EZR: variants seen among roughly 807,000 people sequenced by gnomAD.
EZR encodes the protein ezrin.
EZR carries 40 observed loss-of-function variants against 74.8 expected under a neutral mutation model. The ratio of observed to expected loss-of-function variants is 0.53; its 90% CI spans 0.42 to 0.70. The LOEUF (loss-of-function observed/expected upper bound fraction) is 0.70. Ranked by LOEUF, EZR falls within the 30% of genes least tolerant of loss-of-function variation. The pLI, the probability that EZR is intolerant of heterozygous loss-of-function variation, is 0.00. For synonymous variants in EZR, 341 were observed against 283.3 expected, an observed-to-expected ratio of 1.20 and a Z score of -2.05; for missense variants, 678 against 755.8, an observed-to-expected ratio of 0.90 and a Z score of 1.21.
At chr6:158,793,901 A>C (rs1791806864) in intron 2 of EZR, among the ~76,000 whole-genome samples, 1 of 152,236 alleles carries the variant, frequency 6.6e-6, no homozygotes, top group South Asian at 2.1e-4. Context: ...TTTCACCAAA[A>C]TTTAAAATGA....
At chr6:158,817,617 C>G (rs1273581503) in intron 2 of EZR, among the ~76,000 whole-genome samples, 1 of 152,218 alleles carries the variant, frequency 6.6e-6, no homozygotes, top group Non-Finnish European at 1.5e-5. Context: ...GAAAGCCAGT[C>G]TCCTCTCCCA....
intron 2 of EZR, among the ~76,000 whole-genome samples, chr6:158,816,134 G>C (rs1777548261): frequency 6.6e-6 from 1 of 152,202 alleles, no homozygotes; most frequent in Non-Finnish European, 1.5e-5. Context: ...CGAATTCATA[G>C]AGACAGAAAG....
chr6:158,778,254 C>A (rs3123107), intron 7 of EZR, among the ~76,000 whole-genome samples: 3 of 151,994 alleles, frequency 2.0e-5, no homozygotes, highest in South Asian at 2.1e-4. Context: ...CTGGGATCCC[C>A]TCTCCGGCTC....
intron 8 of EZR, among the ~76,000 whole-genome samples, chr6:158,774,321 C>T (rs1394534635): frequency 6.6e-6 from 1 of 152,158 alleles, no homozygotes; most frequent in Non-Finnish European, 1.5e-5. Context: ...GGCTCCTGCC[C>T]AACCTGCCTA....
intron 2 of EZR, among the ~76,000 whole-genome samples, chr6:158,798,689 T>C (rs528297758): frequency 5.7e-4 from 84 of 147,892 alleles, no homozygotes; most frequent in African/African-American, 2.0e-3. Flanking sequence ...TGGAGTGCAG[T>C]GGCGTGATCT....
chr6:158,803,562 TATATATATATATATATATAC>T (rs1562504399), intron 2 of EZR, among the ~76,000 whole-genome samples: 97 of 7,014 alleles, frequency 0.014, 8 homozygotes, highest in East Asian at 0.062. Flanking sequence ...TATATATATA[TATATATATATATATATATAC>T]ATATATATAT....
intron 2 of EZR, among the ~76,000 whole-genome samples, chr6:158,799,139 C>T (rs766699994): frequency 8.5e-5 from 13 of 152,128 alleles, no homozygotes; most frequent in Non-Finnish European, 1.2e-4. Context: ...CCTTTGAAGT[C>T]ATTTAAGACA....
chr6:158,768,374 C>G (rs981516059), intron 12 of EZR, among the ~76,000 whole-genome samples: 4 of 132,998 alleles, frequency 3.0e-5, no homozygotes, highest in African/African-American at 1.1e-4. Flanking sequence ...CCAGTCTCAG[C>G]TTGTTCTTTA....
intron 2 of EZR, among the ~76,000 whole-genome samples, chr6:158,815,664 G>A (rs1003700868): frequency 6.6e-5 from 10 of 152,136 alleles, no homozygotes; most frequent in African/African-American, 2.4e-4. Context: ...CAGAGTCTAT[G>A]TTGGCCAGGC....
intron 7 of EZR, among the ~76,000 whole-genome samples, chr6:158,782,109 G>A (rs1019839411): frequency 2.0e-5 from 3 of 152,030 alleles, no homozygotes; most frequent in Admixed American, 6.6e-5. Flanking sequence ...GAGTAGGAGC[G>A]AACCGAGAGT....
At chr6:158,808,126 TAAG>T (rs1777381696) in intron 2 of EZR, among the ~76,000 whole-genome samples, 1 of 152,116 alleles carries the variant, frequency 6.6e-6, no homozygotes, top group Non-Finnish European at 1.5e-5. Flanking sequence ...ATCAATAACT[TAAG>T]AAGAATGCGT....
chr6:158,788,482 A>G (rs946159642), intron 3 of EZR: 3 of 152,194 alleles, frequency 2.0e-5, no homozygotes, highest in African/African-American at 7.2e-5. Flanking sequence ...CCCTGTCTCT[A>G]TTAAAAATAC....
chr6:158,804,755 CT>C (rs67712417), intron 2 of EZR, among the ~76,000 whole-genome samples: 24,959 of 151,128 alleles, frequency 0.17, 2,686 homozygotes, highest in Non-Finnish European at 0.24. Flanking sequence ...TTTTTCCTTT[CT>C]TTTTTTCTTA....
Position 158,767,356 on chromosome 6 carries a change from C to T in EZR, c.1501G>A (p.Ala501Thr), listed in dbSNP as rs1273252866. Residue 501 changes from alanine (A) to threonine (T), a missense_variant, in exon 13 of 14, where the codon GCG becomes ACG. Physicochemically the swap from Ala to Thr is moderately conservative, Grantham distance 58. Coordinates refer to ENST00000367075, the MANE Select transcript of EZR (RefSeq NM_001111077.2). ...DEGAEPTGYS[A>T]ELSSEGIRDD... ...CGGATGCCCTCACTAGACAGCTCCG[C>T]GCTGTAGCCCGTGGGCTCTGCGCCC... is the stretch of plus-strand genomic sequence containing the variant. 1.6e-5 allele frequency: 26 copies of T among 1,613,920 alleles called. No homozygotes were observed. The highest frequency in any genetic ancestry group is 2.1e-5 in the Non-Finnish European group (25 of 1,180,002).
At chr6:158,804,767 T>A (rs55671840) in intron 2 of EZR, among the ~76,000 whole-genome samples, 75,423 of 150,238 alleles carry the variant, frequency 0.5, 19,549 homozygotes, top group Non-Finnish European at 0.58. Context: ...TTTTTTCTTA[T>A]TTTTTTTTAT....
intron 8 of EZR, among the ~76,000 whole-genome samples, chr6:158,774,621 G>A (rs1250501741): frequency 6.7e-6 from 1 of 148,620 alleles, no homozygotes; most frequent in Non-Finnish European, 1.5e-5. Flanking sequence ...TTCTGCTTGG[G>A]GCTTATTATG....
chr6:158,801,098 A>G (rs976507159), intron 2 of EZR, among the ~76,000 whole-genome samples: 3 of 152,158 alleles, frequency 2.0e-5, no homozygotes, highest in Non-Finnish European at 4.4e-5. Context: ...TTGCGCCACC[A>G]CACTGGGTAA....
In EZR at chr6:158,769,846, G is replaced by C. The variant is rs1217880341; in HGVS notation, c.1189C>G (p.Leu397Val). 6.2e-7 allele frequency: 1 copy of C among 1,613,968 alleles called. No homozygotes were observed. The highest frequency in any genetic ancestry group is 8.5e-7 in the Non-Finnish European group (1 of 1,180,032). Residue 397 changes from leucine to valine, a missense_variant, in exon 11 of 14, where the codon CTG becomes GTG. Leu to Val is a conservative substitution (Grantham distance 32, BLOSUM62 1). This residue lies in a region of EZR where 342 missense variants were observed against 341.2 expected (regional missense o/e 1.00). Transcript: ENST00000367075. The stretch of plus-strand genomic sequence containing the variant: ...CTCTCCAGCTCCTCCTTAGCCCGCA[G>C]TGCAGCCATACGGTCAGCCTCTAGG... Reference protein sequence around the residue: ...ERLEADRMAALRAKEELERQA... With the variant: ...ERLEADRMAAVRAKEELERQA...
intron 2 of EZR, among the ~76,000 whole-genome samples, chr6:158,792,225 C>CT (rs543042830): frequency 8.4e-4 from 128 of 151,768 alleles, no homozygotes; most frequent in African/African-American, 2.6e-3. Flanking sequence ...AACTTGTTTT[C>CT]TTTTTTTGAG....
Sources: gnomAD v4.1 joint callset for allele counts (sites outside exome capture counted in the v4.1 genomes callset) on GRCh38, gnomAD v4.1.1 for gene constraint, gnomAD v4.1.1 regional missense constraint, MANE v1.5 for transcripts, NCBI Gene and HGNC (gene_info 2026-07-23, HGNC 2026-07-21) for gene names.